The following NFX1 variants were observed in gnomAD, a reference collection of about 807,000 sequenced individuals.
NFX1 encodes the protein transcriptional repressor NF-X1.
A neutral mutation model predicts 137.2 loss-of-function variants in NFX1; 69 were observed. The observed-to-expected ratio is 0.50, with a 90% CI of 0.41 to 0.61. NFX1 has a LOEUF of 0.61. Ranked by LOEUF, NFX1 falls within the 20% of genes least tolerant of loss-of-function variation. The probability of loss-of-function intolerance (pLI) is 0.00; values close to 1 mark genes in which losing one functional copy is unlikely to be tolerated. For missense variants in NFX1, 1,167 were observed against 1,391.0 expected, an observed-to-expected ratio of 0.84 and a Z score of 2.56; for synonymous variants, 495 against 474.1, an observed-to-expected ratio of 1.04 and a Z score of -0.57.
chr9:33,331,092 G>A (rs1822789029), intron 10 of NFX1, among the ~76,000 whole-genome samples: 1 of 152,138 alleles, frequency 6.6e-6, no homozygotes, highest in Non-Finnish European at 1.5e-5. Flanking sequence ...TGTGAACCCA[G>A]GAAGTGGAGC....
intron 4 of NFX1, among the ~76,000 whole-genome samples, chr9:33,305,545 T>A (rs1413548250): frequency 1.3e-5 from 2 of 152,220 alleles, no homozygotes; most frequent in East Asian, 3.8e-4. Flanking sequence ...GGCATCAACA[T>A]GATTCTTTAT....
At chr9:33,358,749 A>G (rs1321533554) in intron 19 of NFX1, among the ~76,000 whole-genome samples, 1 of 135,418 alleles carries the variant, frequency 7.4e-6, no homozygotes, top group East Asian at 2.3e-4. Context: ...TGCAGCCTCT[A>G]CCTCCTGGGT....
In NFX1 at chr9:33,327,451, G is replaced by A. The variant is rs372496855; in HGVS notation, c.1907-1130G>A. On this transcript the variant is annotated intron_variant, in intron 9 of 23. Transcript: ENST00000379540. The stretch of plus-strand genomic sequence containing the variant: ...ATGATCTTGGCTCACTGCAACCTCC[G>A]CCTCCCAGGTTCAAGCGATTCTCCT... 8.5e-5 allele frequency among the ~76,000 whole-genome samples: 13 copies of A among 152,246 alleles called. No homozygotes were observed. In the East Asian group the frequency reaches 2.1e-3, roughly 25 times the overall value.
chr9:33,327,946 G>A (rs1472090006), intron 9 of NFX1, among the ~76,000 whole-genome samples: 1 of 152,166 alleles, frequency 6.6e-6, no homozygotes, highest in Non-Finnish European at 1.5e-5. Context: ...CATGGCTACA[G>A]TTTTAGGGAG....
intron 23 of NFX1, 90 bp from the exon 24 acceptor site, chr9:33,369,816 T>C: frequency 1.1e-6 from 1 of 889,144 alleles, no homozygotes; most frequent in East Asian, 2.6e-5. Flanking sequence ...GATTCACAAA[T>C]GGTAAATCAG....
chr9:33,290,922 C>T (rs1291547420), intron 1 of NFX1, among the ~76,000 whole-genome samples: 5 of 152,212 alleles, frequency 3.3e-5, no homozygotes, highest in Admixed American at 1.3e-4. Context: ...TCGGCCAGGT[C>T]ACAGCCAGTG....
intron 11 of NFX1, among the ~76,000 whole-genome samples, chr9:33,336,277 G>C (rs997274253): frequency 6.6e-6 from 1 of 151,954 alleles, no homozygotes; most frequent in Non-Finnish European, 1.5e-5. Flanking sequence ...GTGCTGTGGC[G>C]CTATCTCAGC....
At chr9:33,362,315 C>T (rs1004734858) in intron 19 of NFX1, among the ~76,000 whole-genome samples, 1 of 152,082 alleles carries the variant, frequency 6.6e-6, no homozygotes, top group African/African-American at 2.4e-5. Flanking sequence ...CCTGTACTCT[C>T]ATATTTGTTG....
chr9:33,318,204 A>G (rs978947984), intron 7 of NFX1, among the ~76,000 whole-genome samples: 17 of 152,104 alleles, frequency 1.1e-4, no homozygotes, highest in Admixed American at 9.2e-4. Context: ...CTTTTTGGCA[A>G]CGGGGACCTT....
chr9:33,363,751 C>T (rs1451605546), intron 19 of NFX1, among the ~76,000 whole-genome samples: 1 of 152,182 alleles, frequency 6.6e-6, no homozygotes, highest in African/African-American at 2.4e-5. Flanking sequence ...CACCCCCAAA[C>T]TCCTCTTCCC....
chr9:33,348,260 G>C (rs1178247398), intron 15 of NFX1: 1 of 152,094 alleles, frequency 6.6e-6, no homozygotes, highest in African/African-American at 2.4e-5. Context: ...GCTGAGGCAG[G>C]AGAATTGCTT....
intron 9 of NFX1, among the ~76,000 whole-genome samples, chr9:33,321,355 G>T (rs1822377026): frequency 7.9e-5 from 12 of 152,294 alleles, no homozygotes; most frequent in Admixed American, 7.9e-4. Flanking sequence ...TCAGAGACAA[G>T]CGTGTGGCTA....
At chr9:33,365,513 C>CAGG (rs1445057553) in intron 21 of NFX1, 1 of 152,236 alleles carries the variant, frequency 6.6e-6, no homozygotes, top group Non-Finnish European at 1.5e-5. Context: ...GGGGCTGAGG[C>CAGG]AGGAGGATTG....
At chr9:33,354,376 A>G (rs1375802490) in intron 18 of NFX1, among the ~76,000 whole-genome samples, 189 bp downstream of exon 18, 1 of 152,190 alleles carries the variant, frequency 6.6e-6, no homozygotes, top group Non-Finnish European at 1.5e-5. Flanking sequence ...GGCTAAGACT[A>G]AAGGAGACTT....
intron 6 of NFX1, among the ~76,000 whole-genome samples, chr9:33,311,624 C>T (rs1821962720): frequency 6.6e-6 from 1 of 151,860 alleles, no homozygotes; most frequent in Non-Finnish European, 1.5e-5. Context: ...GCGATCTCGG[C>T]TCACTGCAAC....
intron 20 of NFX1, 21 bp downstream of exon 20, chr9:33,364,129 T>G (rs375084412): frequency 1.7e-5 from 26 of 1,553,350 alleles, no homozygotes; most frequent in Non-Finnish European, 2.2e-5. Context: ...TGTTACCTGC[T>G]TTCTTAATTG....
intron 11 of NFX1, 21 bp from the exon 12 acceptor site, chr9:33,338,488 TC>T: frequency 1.2e-6 from 2 of 1,606,574 alleles, no homozygotes; most frequent in South Asian, 2.2e-5. Flanking sequence ...GTTTTTTTTT[TC>T]TTTTTAATTT....
chr9:33,342,731 A>C lies in NFX1; in HGVS notation c.2116-15A>C. The C allele has an allele frequency of 6.4e-7, 1 of 1,564,342 alleles. No individual in the cohort carries two copies. Among genetic ancestry groups the C allele is most frequent in the Non-Finnish European group, 8.7e-7 (1 of 1,149,664 alleles). ...GAAGACCATTTTATGAACAAATATA[A>C]ATCTCTTTTCCCAGGATAAGGAGCA... On this transcript the variant is annotated splice_polypyrimidine_tract_variant and intron_variant, in intron 12 of 23. Coordinates refer to ENST00000379540, the MANE Select transcript of NFX1 (RefSeq NM_002504.6).
chr9:33,363,431 G>A (rs892831343), intron 19 of NFX1, among the ~76,000 whole-genome samples: 1 of 151,566 alleles, frequency 6.6e-6, no homozygotes, highest in Non-Finnish European at 1.5e-5. Context: ...TTACAGGCAC[G>A]TGCTACCACA....
Sources: allele counts gnomAD v4.1 joint callset (sites outside exome capture counted in the v4.1 genomes callset), GRCh38; gene constraint gnomAD v4.1.1; transcripts MANE v1.5; gene names NCBI Gene and HGNC (gene_info 2026-07-23, HGNC 2026-07-21).